Variants in IL16 observed in about 807,000 individuals in gnomAD.
IL16 encodes the protein interleukin 16.
In IL16, 67 loss-of-function variants were observed where a neutral mutation model predicts 110.1. The ratio of observed to expected loss-of-function variants is 0.61; its 90% confidence interval spans 0.50 to 0.75. The LOEUF (loss-of-function observed/expected upper bound fraction) is 0.75. Among genes scored for constraint, IL16 ranks in the 30% least tolerant of loss-of-function variants. The pLI is 0.00. For synonymous variants in IL16, 689 were observed against 662.9 expected, an observed-to-expected ratio of 1.04 and a Z score of -0.61; for missense variants, 1,545 against 1,655.0, an observed-to-expected ratio of 0.93 and a Z score of 1.15.
chr15:81,303,644 G>A lies in IL16; in HGVS notation c.3414G>A (p.Val1138=). 1.2e-6 allele frequency: 2 copies of A among 1,608,006 alleles called. No individual in the cohort carries two copies. The highest frequency in any genetic ancestry group is 1.7e-6 in the Non-Finnish European group (2 of 1,174,418). The part of the protein sequence containing the change: ...LAGGADLENK[V]ITVHRVFPNG... Reference sequence around the variant, plus strand: ...GAGGAGCAGATCTAGAAAACAAGGTGATTACGGTGAGTGGCCAAGTGAAGG... The same window carrying A: ...GAGGAGCAGATCTAGAAAACAAGGTAATTACGGTGAGTGGCCAAGTGAAGG... Residue 1138 remains valine, a synonymous_variant, in exon 16 of 19, where the codon GTG becomes GTA. Coordinates refer to ENST00000683961, the MANE Select transcript of IL16 (RefSeq NM_172217.5). The surrounding 1 kb of genome is among the most constrained non-coding windows in gnomAD (Gnocchi z 4.1).
chr15:81,254,929 T>A (rs768438842), intron 2 of IL16, among the ~76,000 whole-genome samples: 1 of 152,170 alleles, frequency 6.6e-6, no homozygotes, highest in Non-Finnish European at 1.5e-5. Flanking sequence ...CTATTAAAAG[T>A]AAAGAGCTGA....
chr15:81,199,303 C>A (rs752494875), intron 1 of IL16, among the ~76,000 whole-genome samples: 1 of 151,978 alleles, frequency 6.6e-6, no homozygotes, highest in Non-Finnish European at 1.5e-5. Context: ...GAAATAAGGA[C>A]GAATCTATGT....
chr15:81,219,862 C>T (rs915545881), intron 1 of IL16, among the ~76,000 whole-genome samples: 8 of 152,188 alleles, frequency 5.3e-5, no homozygotes, highest in African/African-American at 1.9e-4. Flanking sequence ...ATCTGCCGTT[C>T]ATTCACTGAA....
chr15:81,216,114 GC>G (rs1409887711), intron 1 of IL16, among the ~76,000 whole-genome samples: 1 of 152,174 alleles, frequency 6.6e-6, no homozygotes, highest in Non-Finnish European at 1.5e-5. Context: ...GTCAGCTGGG[GC>G]CAGCGCCTCC....
chr15:81,219,288 T>A (rs1272364187), intron 1 of IL16, among the ~76,000 whole-genome samples: 1 of 152,222 alleles, frequency 6.6e-6, no homozygotes, highest in Non-Finnish European at 1.5e-5. Flanking sequence ...TGTGAAGTCC[T>A]GCTGTGGGCA....
chr15:81,274,435 G>T (rs1173148427), intron 6 of IL16, among the ~76,000 whole-genome samples: 1 of 152,158 alleles, frequency 6.6e-6, no homozygotes, highest in Admixed American at 6.5e-5. Context: ...ATCTCAGCAG[G>T]GTGCCCCCAT....
At chr15:81,228,270 G>C (rs551768705) in intron 2 of IL16, among the ~76,000 whole-genome samples, 1 of 152,028 alleles carries the variant, frequency 6.6e-6, no homozygotes, top group African/African-American at 2.4e-5. Context: ...CCCGGGCAGG[G>C]GAAAGAACAA....
chr15:81,296,759 T>C (rs1213744262), intron 12 of IL16, among the ~76,000 whole-genome samples, 169 bp from the exon 13 acceptor site: 1 of 152,236 alleles, frequency 6.6e-6, no homozygotes, highest in African/African-American at 2.4e-5. Flanking sequence ...GTGCTGGCTC[T>C]GCCACGTCAG....
At chr15:81,194,675 C>G (rs1039735938), upstream of IL16, among the ~76,000 whole-genome samples, 1 of 152,062 alleles carries the variant, frequency 6.6e-6, no homozygotes, top group Admixed American at 6.6e-5. Flanking sequence ...ACTTGTTGAA[C>G]AGATTTCTCA....
At chr15:81,258,928 T>A (rs914881561) in intron 2 of IL16, among the ~76,000 whole-genome samples, 1 of 152,050 alleles carries the variant, frequency 6.6e-6, no homozygotes, top group Non-Finnish European at 1.5e-5. Flanking sequence ...CAGAAAACTT[T>A]CAGAAAGATA....
At chr15:81,263,596 C>T (rs1017868892) in intron 3 of IL16, among the ~76,000 whole-genome samples, 2 of 152,116 alleles carry the variant, frequency 1.3e-5, no homozygotes, top group African/African-American at 4.8e-5. Flanking sequence ...GGTCTGCGTC[C>T]CCACAGATCT....
At chr15:81,183,019 G>A in intron 1 of IL16, 2 of 501,816 alleles carry the variant, frequency 4.0e-6, no homozygotes, top group Non-Finnish European at 7.1e-6. Context: ...TGTAGTATAT[G>A]AGTGAGTGTG....
intron 2 of IL16, among the ~76,000 whole-genome samples, chr15:81,253,830 G>C (rs1897853500): frequency 6.6e-6 from 1 of 152,238 alleles, no homozygotes; most frequent in African/African-American, 2.4e-5. Flanking sequence ...GGGGAAGGTT[G>C]AGAAGGTAAG....
rs79008021 is a variant in IL16, at chr15:81,287,820, A to G, written c.1332+1990A>G. On this transcript the variant is annotated intron_variant, in intron 10 of 18. Transcript: ENST00000683961. ...CCCCATTCTGTGGATTGCACACTGG[A>G]GCTAAACACAATCAGAGACAAGCAA... Among the ~76,000 whole-genome samples the G allele has an allele frequency of 2.7e-3, 409 of 152,332 alleles. 3 individuals carry two copies. The highest frequency in any genetic ancestry group is 9.3e-3 in the African/African-American group (387 of 41,570).
At chr15:81,274,384 G>C (rs78710595) in intron 6 of IL16, among the ~76,000 whole-genome samples, 7,098 of 152,226 alleles carry the variant, frequency 0.047, 490 homozygotes, top group African/African-American at 0.15. Context: ...CTGGGGACTC[G>C]AGCACGCTCA....
chr15:81,303,993 A>C lies in IL16; in HGVS notation c.3420+343A>C, dbSNP rs370501535. ...TGCGGCTGCTCGCTCTCTAAAGCCG[A>C]GTGCATTGCTGTCATCCCAGGGCTG... On this transcript the variant is annotated intron_variant, in intron 16 of 18. Coordinates refer to ENST00000683961, the MANE Select transcript of IL16 (RefSeq NM_172217.5). This position sits in a 1 kb window ranked among gnomAD's most constrained non-coding sequence, Gnocchi z 4.1. Among the ~76,000 whole-genome samples, 44 of 152,264 alleles carry C rather than the reference A, an allele frequency of 2.9e-4. No individual in the cohort carries two copies. In the East Asian group the frequency reaches 4.8e-3, roughly 17 times the overall value.
rs1567005383 is a variant in IL16 at position 81,225,590 on chromosome 15, C to T, written c.191C>T (p.Ala64Val). The change falls in exon 2 of 19, where the codon GCA becomes GTA. Residue 64 changes from alanine (A) to valine (V), a missense_variant. This residue lies in a region of IL16 where 1,185 missense variants were observed against 1,238.8 expected (regional missense o/e 0.96). Transcript: ENST00000683961. ...EGIFHSSVQL[A>V]DTSEAGPSSV... is the part of the protein sequence containing the mutation. ...ATTTTCCACTCATCTGTGCAGCTGG[C>T]AGACACATCGGAGGCTGGGCCCAGC... is the stretch of plus-strand genomic sequence containing the variant. 1 of 1,614,084 alleles carries T rather than the reference C, an allele frequency of 6.2e-7. No homozygotes were observed. The highest frequency in any genetic ancestry group is 8.5e-7 in the Non-Finnish European group (1 of 1,179,998).
intron 1 of IL16, among the ~76,000 whole-genome samples, chr15:81,199,038 T>C: frequency 1.6e-5 from 1 of 61,876 alleles, no homozygotes; most frequent in Non-Finnish European, 2.6e-5. Flanking sequence ...AAAATATATA[T>C]ATATATATAT....
chr15:81,220,284 G>A (rs1424845677), intron 1 of IL16, among the ~76,000 whole-genome samples: 2 of 152,146 alleles, frequency 1.3e-5, no homozygotes, highest in Non-Finnish European at 2.9e-5. Context: ...ACAGGCACAT[G>A]CCATCATGCT....
Sources: allele counts gnomAD v4.1 joint callset (sites outside exome capture counted in the v4.1 genomes callset), GRCh38; gene constraint gnomAD v4.1.1; regional missense constraint gnomAD v4.1.1; non-coding constraint Gnocchi (gnomAD v3.1); transcripts MANE v1.5; gene names NCBI Gene and HGNC (gene_info 2026-07-23, HGNC 2026-07-21).